Variants in HNRNPLL observed in about 807,000 individuals in gnomAD.
HNRNPLL encodes heterogeneous nuclear ribonucleoprotein L like.
In HNRNPLL, 25 loss-of-function variants were observed where a neutral mutation model predicts 67.1. That is an observed-to-expected ratio of 0.37 (90% CI 0.27 to 0.52). The LOEUF (loss-of-function observed/expected upper bound fraction) is 0.52, where lower values mean the gene tolerates loss of function less well. Ranked by LOEUF, HNRNPLL falls within the 20% of genes least tolerant of loss-of-function variation. The probability of loss-of-function intolerance (pLI) is 0.90; values close to 1 mark genes in which losing one functional copy is unlikely to be tolerated. For missense variants in HNRNPLL, 542 were observed against 673.9 expected (o/e 0.80, Z 2.17); for synonymous variants, 267 against 241.7 (o/e 1.10, Z -0.97).
rs183680462 is a variant in HNRNPLL, at chr2:38,599,850, T to A, written c.189+2588A>T. On this transcript the variant is annotated intron_variant, in intron 1 of 12. Coordinates refer to ENST00000449105, the MANE Select transcript of HNRNPLL (RefSeq NM_138394.4). ...ATCTTCAAAGGCTTACTTTGCACTT[T>A]ACAAACTTCCAACTAGAGTTGAAAA... 8.5e-6 allele frequency: 4 copies of A among 469,566 alleles called. No individual in the cohort carries two copies. The Admixed American group carries it at 9.5e-5, about 11-fold the overall frequency. The allele number at this position is 469,566 out of a possible 1,614,324, so 29.1% of individuals were successfully genotyped here.
intron 6 of HNRNPLL, chr2:38,578,119 C>A: frequency 2.4e-6 from 1 of 422,472 alleles, no homozygotes. Flanking sequence ...CATATTATAT[C>A]ATGAATAGGT....
chr2:38,567,964 C>T, intron 12 of HNRNPLL: 3 of 372,508 alleles, frequency 8.1e-6, no homozygotes, highest in East Asian at 1.1e-4. Context: ...ACCCAAAATA[C>T]TAACCCTCAG....
chr2:38,580,900 CTTAAA>C (rs1666502216), intron 6 of HNRNPLL, among the ~76,000 whole-genome samples: 1 of 152,140 alleles, frequency 6.6e-6, no homozygotes, highest in Non-Finnish European at 1.5e-5. Context: ...CAGTGATAAC[CTTAAA>C]TTGTTACAAA....
rs550981703 is a variant in HNRNPLL at position 38,570,100 on chromosome 2, A to T, written c.1093-175T>A. Among the ~76,000 whole-genome samples, 557 of 152,336 alleles carry T rather than the reference A, an allele frequency of 3.7e-3. 2 individuals are homozygous for T. The highest frequency in any genetic ancestry group is 6.2e-3 in the Non-Finnish European group (425 of 68,018). ...TAACTCTTATCAAAGTTCAATAGTT[A>T]AAAAGGAACACTATTGTATAGCCCA... On this transcript the variant is annotated intron_variant, in intron 8 of 12. Transcript: ENST00000449105.
chr2:38,597,693 T>TA (rs1667256109), intron 1 of HNRNPLL, among the ~76,000 whole-genome samples: 1 of 88,356 alleles, frequency 1.1e-5, no homozygotes, highest in South Asian at 4.5e-4. Context: ...CTTTTTTTAT[T>TA]TTTTTTTTTT....
rs1190563726 is a variant in HNRNPLL, at chr2:38,562,644, G to GAACAC, written c.*1533_*1537dup. ...TAAGAAACATACATAGCCCAGTATC[G>GAACAC]AACACAGTTCACACAGTTACCCTTG... is the stretch of plus-strand genomic sequence containing the variant. On this transcript the variant is annotated 3_prime_UTR_variant, in exon 13 of 13. Transcript: ENST00000449105. 6.6e-6 allele frequency: 1 copy of GAACAC among 152,024 alleles called. No individual in the cohort carries two copies. Among genetic ancestry groups the GAACAC allele is most frequent in the Admixed American group, 6.6e-5 (1 of 15,252 alleles). The allele number at this position is 152,024 out of a possible 1,614,324, so 9.4% of individuals were successfully genotyped here.
intron 7 of HNRNPLL, among the ~76,000 whole-genome samples, chr2:38,575,213 G>A (rs1426810112): frequency 2.6e-5 from 4 of 151,682 alleles, no homozygotes; most frequent in African/African-American, 7.2e-5. Flanking sequence ...ACTACTTAAA[G>A]TATTACCTAT....
At position 38,569,929 on chromosome 2, in the gene HNRNPLL, T is replaced by C; in HGVS notation, c.1093-4A>G. The C allele has an allele frequency of 6.4e-7, 1 of 1,573,014 alleles. No homozygotes were observed. Among genetic ancestry groups the C allele is most frequent in the Non-Finnish European group, 8.6e-7 (1 of 1,162,244 alleles). On this transcript the variant is annotated splice_polypyrimidine_tract_variant and splice_region_variant and intron_variant, in intron 8 of 12. Coordinates refer to ENST00000449105, the MANE Select transcript of HNRNPLL (RefSeq NM_138394.4). ...GAATGGTCTTCATAAATTTTACCTG[T>C]AAACACAAAATTCCAAAAAGGTGAC...
chr2:38,582,129 T>G lies in HNRNPLL; in HGVS notation c.672A>C (p.Ala224=), dbSNP rs771356622. ...CAGCATATATATCAGCTCCATTGAG[T>G]GCTGCTTTAGCTTTCTGGGCACAAA... ...SVLCAQKAKA[A]LNGADIYAGC... is the part of the protein sequence containing the mutation. The change falls in exon 5 of 13, where the codon GCA becomes GCC. Residue 224 remains alanine, a synonymous_variant. Transcript: ENST00000449105. The G allele has an allele frequency of 6.2e-7, 1 of 1,614,106 alleles. No homozygotes were observed. The highest frequency in any genetic ancestry group is 2.2e-5 in the East Asian group (1 of 44,866).
In HNRNPLL at chr2:38,563,517, T is replaced by C. The variant is rs1012499552; in HGVS notation, c.*665A>G. The C allele has an allele frequency of 5.3e-5, 8 of 152,064 alleles. No individual in the cohort carries two copies. The highest frequency in any genetic ancestry group is 3.3e-4 in the Admixed American group (5 of 15,276). 9.4% of individuals were successfully genotyped at this position (152,064 alleles called of 1,614,324 possible). On this transcript the variant is annotated 3_prime_UTR_variant, in exon 13 of 13. Coordinates refer to ENST00000449105, the MANE Select transcript of HNRNPLL (RefSeq NM_138394.4). The stretch of plus-strand genomic sequence containing the variant: ...AAATGAACACATTAACTCATTGTTA[T>C]AACTTTATAAAATCTCCAAACTGGA...
At chr2:38,573,607 T>A (rs1326152192) in intron 7 of HNRNPLL, among the ~76,000 whole-genome samples, 180 bp from the exon 8 acceptor site, 1 of 151,828 alleles carries the variant, frequency 6.6e-6, no homozygotes, top group Non-Finnish European at 1.5e-5. Flanking sequence ...ATTAATAAAA[T>A]CTGTATTCAT....
intron 1 of HNRNPLL, among the ~76,000 whole-genome samples, chr2:38,595,692 A>T (rs951815794): frequency 2.6e-5 from 4 of 152,032 alleles, no homozygotes; most frequent in African/African-American, 9.7e-5. Flanking sequence ...AAAAATACAA[A>T]AATTAGCCGG....
intron 1 of HNRNPLL, among the ~76,000 whole-genome samples, chr2:38,598,056 G>C (rs1305403822): frequency 6.7e-6 from 1 of 149,704 alleles, no homozygotes; most frequent in African/African-American, 2.5e-5. Flanking sequence ...ATTTGGTTTT[G>C]CCTACCCAGA....
intron 1 of HNRNPLL, among the ~76,000 whole-genome samples, chr2:38,600,969 A>C (rs544584118): frequency 1.3e-5 from 2 of 152,368 alleles, no homozygotes; most frequent in South Asian, 4.1e-4. Context: ...ATGCCTGAAG[A>C]CATTTCATGA....
chr2:38,591,961 G>C (rs1218040416), intron 1 of HNRNPLL, among the ~76,000 whole-genome samples: 4 of 152,094 alleles, frequency 2.6e-5, no homozygotes, highest in Admixed American at 6.6e-5. Flanking sequence ...GGGCGACAGA[G>C]TGAGACTCCA....
chr2:38,570,074 T>G (rs1666009407), intron 8 of HNRNPLL, 149 bp from the exon 9 acceptor site: 2 of 592,756 alleles, frequency 3.4e-6, no homozygotes, highest in Non-Finnish European at 6.0e-6. Flanking sequence ...TGAGATACCC[T>G]TAACTCTTAT....
At chr2:38,575,780 T>C (rs768793890) in intron 7 of HNRNPLL, among the ~76,000 whole-genome samples, 1 of 151,788 alleles carries the variant, frequency 6.6e-6, no homozygotes, top group Non-Finnish European at 1.5e-5. Context: ...AGGGATACAT[T>C]TGTGATTTGC....
chr2:38,580,890 C>A (rs575169791), intron 6 of HNRNPLL, among the ~76,000 whole-genome samples: 3 of 152,276 alleles, frequency 2.0e-5, no homozygotes, highest in East Asian at 3.9e-4. Flanking sequence ...CACAAATTGA[C>A]AGTGATAACC....
At chr2:38,578,781 T>C (rs371987864) in intron 6 of HNRNPLL, among the ~76,000 whole-genome samples, 2 of 152,086 alleles carry the variant, frequency 1.3e-5, no homozygotes, top group East Asian at 3.8e-4. Context: ...TGTATAGAAA[T>C]TGATCCTCTA....
Sources: allele counts gnomAD v4.1 joint callset (sites outside exome capture counted in the v4.1 genomes callset), GRCh38; gene constraint gnomAD v4.1.1; transcripts MANE v1.5; gene names NCBI Gene and HGNC (gene_info 2026-07-23, HGNC 2026-07-21).